Variants in GRIP2 observed in about 807,000 individuals in gnomAD.
The protein encoded by GRIP2 is glutamate receptor interacting protein 2.
In GRIP2, 58 loss-of-function variants were observed where a neutral mutation model predicts 108.3. The ratio of observed to expected loss-of-function variants is 0.54; its 90% CI spans 0.43 to 0.67. The LOEUF (loss-of-function observed/expected upper bound fraction) is 0.67, where lower values mean the gene tolerates loss of function less well. Ranked by LOEUF, GRIP2 falls within the 30% of genes least tolerant of loss-of-function variation. The pLI is 0.00. For missense variants in GRIP2, 1,278 were observed against 1,430.6 expected, an observed-to-expected ratio of 0.89 and a Z score of 1.72; for synonymous variants, 586 against 598.2, an observed-to-expected ratio of 0.98 and a Z score of 0.30.
At chr3:14,574,276 T>G in the GRIP2 span, 1 of 933,608 alleles carries the variant, frequency 1.1e-6, no homozygotes, top group South Asian at 1.3e-5. Context: ...TAGGTGTGGT[T>G]GTTGAGCCGT....
At chr3:14,572,920 C>A in the GRIP2 span, 1 of 1,348,198 alleles carries the variant, frequency 7.4e-7, no homozygotes, top group South Asian at 1.2e-5. Context: ...GTGAGGAACT[C>A]ACACCACTCA....
chr3:14,499,246 C>A (rs1693700370), intron 21 of GRIP2, among the ~76,000 whole-genome samples: 1 of 152,196 alleles, frequency 6.6e-6, no homozygotes, highest in Non-Finnish European at 1.5e-5. Context: ...ACAGCCAAGA[C>A]AAAGTGAGGA....
Position 14,489,123 on chromosome 3 carries a change from A to T in GRIP2, c.*4542T>A, listed in dbSNP as rs984465962. The T allele has an allele frequency of 6.6e-6, 1 of 152,562 alleles. No individual in the cohort carries two copies. The highest frequency in any genetic ancestry group is 2.4e-5 in the African/African-American group (1 of 41,436). 9.5% of individuals were successfully genotyped at this position (152,562 alleles called of 1,614,324 possible). A position where few individuals can be genotyped will look rare whatever the true frequency, so the allele number is the denominator to read the frequency against. The stretch of plus-strand genomic sequence containing the variant: ...ACAAGAGACTTTTCTGAGGAGGAAC[A>T]TTTGTATTTGAACAAGATCCTTGGT... On this transcript the variant is annotated 3_prime_UTR_variant, in exon 24 of 24. Transcript: ENST00000621039.
chr3:14,568,812 T>A, the GRIP2 span, among the ~76,000 whole-genome samples: 1 of 152,030 alleles, frequency 6.6e-6, no homozygotes, highest in Non-Finnish European at 1.5e-5. Context: ...GAGTGTGAGG[T>A]CAGCACACCA....
the GRIP2 span, among the ~76,000 whole-genome samples, chr3:14,583,542 G>A: frequency 4.6e-5 from 7 of 152,172 alleles, no homozygotes; most frequent in Non-Finnish European, 1.0e-4. Context: ...GGGAGGCTGG[G>A]AGGCTGGGAG....
chr3:14,562,368 C>T, the GRIP2 span, among the ~76,000 whole-genome samples: 316 of 152,302 alleles, frequency 2.1e-3, no homozygotes, highest in African/African-American at 7.2e-3. Context: ...CCGGCCAAAT[C>T]TGGGACAACT....
the GRIP2 span, among the ~76,000 whole-genome samples, chr3:14,588,777 T>C: frequency 6.6e-6 from 1 of 152,126 alleles, no homozygotes; most frequent in Admixed American, 6.5e-5. Context: ...AGGGGAAGCA[T>C]TTGCTCATTT....
At chr3:14,556,037 C>T in exon 1 of GRIP2, 1 of 398,556 alleles carries the variant, frequency 2.5e-6, no homozygotes. Flanking sequence ...GTGCCCGCTC[C>T]AGAGCTGCTT....
At chr3:14,528,972 G>A (rs1424256822) in intron 1 of GRIP2, among the ~76,000 whole-genome samples, 1 of 152,042 alleles carries the variant, frequency 6.6e-6, no homozygotes, top group African/African-American at 2.4e-5. Context: ...TCGCACTAAA[G>A]TTTGAAAAAC....
chr3:14,570,642 G>T, the GRIP2 span, among the ~76,000 whole-genome samples: 20,043 of 152,188 alleles, frequency 0.13, 1,400 homozygotes, highest in South Asian at 0.2. Context: ...CTATTTTTCA[G>T]GTCTTTGTTT....
rs568259593 is a variant in GRIP2 at position 14,537,566 on chromosome 3, G to A, written c.40+2703C>T. On this transcript the variant is annotated intron_variant, in intron 1 of 23. Transcript: ENST00000621039. ...TCCCATTTACAGATTAGGAGAATGAGAATCAAAGAGGTGGAATGAGTTTCT... is the reference window on the plus strand; with the variant it reads ...TCCCATTTACAGATTAGGAGAATGAAAATCAAAGAGGTGGAATGAGTTTCT... Among the ~76,000 whole-genome samples the A allele has an allele frequency of 1.9e-3, 296 of 152,364 alleles. 3 individuals are homozygous for A. The highest frequency in any genetic ancestry group is 6.9e-3 in the African/African-American group (287 of 41,592).
intron 11 of GRIP2, among the ~76,000 whole-genome samples, chr3:14,515,774 C>T (rs1003801466): frequency 6.6e-6 from 1 of 151,998 alleles, no homozygotes; most frequent in African/African-American, 2.4e-5. Context: ...GGATTACAGG[C>T]GTGTGCCACC....
intron 1 of GRIP2, among the ~76,000 whole-genome samples, chr3:14,539,023 T>A (rs1469263351): frequency 6.6e-6 from 1 of 152,202 alleles, no homozygotes; most frequent in Non-Finnish European, 1.5e-5. Flanking sequence ...AGAACAGATG[T>A]GTCCAGGCCA....
chr3:14,598,366 ACG>A, the GRIP2 span, among the ~76,000 whole-genome samples: 9 of 151,742 alleles, frequency 5.9e-5, no homozygotes, highest in South Asian at 8.3e-4. Flanking sequence ...ACACACACAC[ACG>A]CACACACACA....
At chr3:14,552,629 TCTCTC>T (rs1695168667) in intron 1 of GRIP2, among the ~76,000 whole-genome samples, 1 of 96,318 alleles carries the variant, frequency 1.0e-5, no homozygotes, top group African/African-American at 3.2e-5. Flanking sequence ...TCTCTCTCTC[TCTCTC>T]TTTTTTTTTT....
At chr3:14,558,591 C>T (rs998321404), upstream of GRIP2, among the ~76,000 whole-genome samples, 9 of 152,152 alleles carry the variant, frequency 5.9e-5, no homozygotes, top group Non-Finnish European at 1.2e-4. Context: ...GGCAGAGTTC[C>T]GACCTGGTGG....
the GRIP2 span, among the ~76,000 whole-genome samples, chr3:14,580,409 G>A: frequency 6.6e-6 from 1 of 152,184 alleles, no homozygotes; most frequent in Non-Finnish European, 1.5e-5. Flanking sequence ...AACTTGGCCA[G>A]GCTGGGCTGG....
chr3:14,596,384 G>A, the GRIP2 span, among the ~76,000 whole-genome samples: 1 of 152,120 alleles, frequency 6.6e-6, no homozygotes, highest in African/African-American at 2.4e-5. Context: ...AATTGAGAGA[G>A]ACAGTAGGTT....
At chr3:14,503,755 C>T (rs1238579983) in intron 20 of GRIP2, 84 bp from the exon 21 acceptor site, 4 of 251,946 alleles carry the variant, frequency 1.6e-5, no homozygotes, top group Non-Finnish European at 2.5e-5. Context: ...GGCCCCAGGG[C>T]CCAGCGTTGG....
Sources: allele counts gnomAD v4.1 joint callset (sites outside exome capture counted in the v4.1 genomes callset), GRCh38; gene constraint gnomAD v4.1.1; transcripts MANE v1.5; gene names NCBI Gene and HGNC (gene_info 2026-07-23, HGNC 2026-07-21).